AOPEP: variants seen among roughly 807,000 people sequenced by gnomAD.
The protein encoded by AOPEP is aminopeptidase O (putative), also known as aminopeptidase O.
A neutral mutation model predicts 98.1 loss-of-function variants in AOPEP; 77 were observed. That is an observed-to-expected ratio of 0.78 (90% CI 0.65 to 0.95). The LOEUF (loss-of-function observed/expected upper bound fraction) is 0.95, where lower values mean the gene tolerates loss of function less well. Ranked by LOEUF, AOPEP falls within the 40% of genes least tolerant of loss-of-function variation. The probability of loss-of-function intolerance (pLI) is 0.00; values close to 1 mark genes in which losing one functional copy is unlikely to be tolerated. For synonymous variants in AOPEP, 346 were observed against 365.3 expected, an observed-to-expected ratio of 0.95 and a Z score of 0.60; for missense variants, 1,024 against 1,024.7, an observed-to-expected ratio of 1.00 and a Z score of 0.01.
At chr9:94,864,147 A>G (rs756131302) in intron 5 of AOPEP, among the ~76,000 whole-genome samples, 3 of 152,192 alleles carry the variant, frequency 2.0e-5, no homozygotes, top group Admixed American at 6.5e-5. Flanking sequence ...TGCATCTGCT[A>G]TGTTCTGTGG....
At chr9:94,915,452 T>C (rs2052662883) in intron 5 of AOPEP, among the ~76,000 whole-genome samples, 1 of 152,210 alleles carries the variant, frequency 6.6e-6, no homozygotes, top group Admixed American at 6.5e-5. Flanking sequence ...TGCTTGTTCC[T>C]ACCCAGAGTT....
intron 3 of AOPEP, among the ~76,000 whole-genome samples, chr9:94,783,518 C>T (rs1234391758): frequency 6.6e-6 from 1 of 152,146 alleles, no homozygotes; most frequent in Admixed American, 6.5e-5. Flanking sequence ...GAGGGTGGCA[C>T]TCACTTAGAA....
chr9:95,049,160 T>G (rs1322129799), intron 13 of AOPEP: 1 of 152,232 alleles, frequency 6.6e-6, no homozygotes, highest in Non-Finnish European at 1.5e-5. Flanking sequence ...TTAGAAATTT[T>G]AAAGTTTGTT....
At chr9:94,810,131 C>T (rs1016600604) in intron 5 of AOPEP, 2 of 155,200 alleles carry the variant, frequency 1.3e-5, no homozygotes, top group Non-Finnish European at 2.9e-5. Flanking sequence ...GGTGAGGCTT[C>T]CTGCTTTTCT....
At chr9:94,883,582 A>G (rs964956346) in intron 5 of AOPEP, among the ~76,000 whole-genome samples, 2 of 152,218 alleles carry the variant, frequency 1.3e-5, no homozygotes, top group East Asian at 3.8e-4. Flanking sequence ...TTAAGTTACA[A>G]TTCAGACTGA....
chr9:94,882,043 G>A (rs370486760), intron 5 of AOPEP, among the ~76,000 whole-genome samples: 1 of 152,168 alleles, frequency 6.6e-6, no homozygotes, highest in Non-Finnish European at 1.5e-5. Context: ...CTTCCCCTTG[G>A]GCTAGGGAGT....
chr9:95,109,096 G>T, the AOPEP span, among the ~76,000 whole-genome samples: 7 of 152,072 alleles, frequency 4.6e-5, no homozygotes, highest in East Asian at 1.4e-3. Context: ...TTATTTTTTT[G>T]TAGAGACAGG....
At chr9:94,949,090 A>T (rs1250577214) in intron 7 of AOPEP, among the ~76,000 whole-genome samples, 3 of 152,186 alleles carry the variant, frequency 2.0e-5, no homozygotes, top group African/African-American at 7.2e-5. Flanking sequence ...TCTTTTGAGA[A>T]TGTGTCTAGA....
chr9:94,997,600 G>A (rs2061322831), intron 11 of AOPEP, among the ~76,000 whole-genome samples: 2 of 152,202 alleles, frequency 1.3e-5, no homozygotes, highest in South Asian at 2.1e-4. Context: ...TGGGCATTGA[G>A]ATTTGTAAAA....
Position 94,988,829 on chromosome 9 carries a change from G to C in AOPEP, c.1977+9402G>C, listed in dbSNP as rs546406706. On this transcript the variant is annotated intron_variant, in intron 11 of 16. Coordinates refer to ENST00000375315, the MANE Select transcript of AOPEP (RefSeq NM_001193329.3). ...CTGCTACTGAGTCAGCATCTCCATA[G>C]GTACGGCTGGAACTGGTCAACATAA... Among the ~76,000 whole-genome samples the C allele has an allele frequency of 2.0e-5, 3 of 152,134 alleles. No homozygotes were observed. The South Asian group carries it at 6.2e-4, about 32-fold the overall frequency.
At chr9:95,144,855 G>A in the AOPEP span, among the ~76,000 whole-genome samples, 8 of 152,284 alleles carry the variant, frequency 5.3e-5, no homozygotes, top group Middle Eastern at 6.8e-3. Context: ...CGAGCGCCGC[G>A]CCGCACGTTC....
At chr9:94,805,117 G>A (rs1271785545) in intron 5 of AOPEP, among the ~76,000 whole-genome samples, 1 of 152,168 alleles carries the variant, frequency 6.6e-6, no homozygotes, top group African/African-American at 2.4e-5. Flanking sequence ...GAAATGGCAA[G>A]ATTAAGTCAG....
At chr9:95,103,284 T>C in the AOPEP span, among the ~76,000 whole-genome samples, 1 of 152,080 alleles carries the variant, frequency 6.6e-6, no homozygotes, top group Non-Finnish European at 1.5e-5. Context: ...CCCAGCTCTC[T>C]AGTCACATGC....
chr9:94,845,556 T>C (rs776707671), intron 5 of AOPEP, among the ~76,000 whole-genome samples: 15 of 152,050 alleles, frequency 9.9e-5, no homozygotes, highest in Non-Finnish European at 1.8e-4. Flanking sequence ...GACATACAAG[T>C]TAAAAAGCTA....
At chr9:95,049,132 TCAG>T (rs1216600731) in intron 13 of AOPEP, 1 of 152,220 alleles carries the variant, frequency 6.6e-6, no homozygotes, top group Non-Finnish European at 1.5e-5. Flanking sequence ...TACTGTGAAA[TCAG>T]CAGAAAAGTG....
intron 5 of AOPEP, among the ~76,000 whole-genome samples, chr9:94,908,301 C>T (rs1489489725): frequency 2.0e-5 from 3 of 152,170 alleles, no homozygotes; most frequent in Non-Finnish European, 4.4e-5. Flanking sequence ...GCAGAGAGAG[C>T]TTTGGTCCAG....
intron 5 of AOPEP, among the ~76,000 whole-genome samples, chr9:94,858,094 A>C (rs537310027): frequency 3.9e-5 from 6 of 152,010 alleles, no homozygotes; most frequent in African/African-American, 1.4e-4. Flanking sequence ...AAAAAAAAAA[A>C]AAACAAAAAC....
At chr9:94,948,928 A>AT (rs1299261523) in intron 7 of AOPEP, among the ~76,000 whole-genome samples, 6 of 152,070 alleles carry the variant, frequency 3.9e-5, no homozygotes, top group Non-Finnish European at 8.8e-5. Context: ...CTTGGCAGTC[A>AT]TTTTACAGCC....
At chr9:94,910,697 A>G (rs1416873236) in intron 5 of AOPEP, among the ~76,000 whole-genome samples, 2 of 152,166 alleles carry the variant, frequency 1.3e-5, no homozygotes, top group African/African-American at 2.4e-5. Flanking sequence ...GAGGTGCAGC[A>G]GTGTTTCTAA....
Sources: gnomAD v4.1 joint callset for allele counts (sites outside exome capture counted in the v4.1 genomes callset) on GRCh38, gnomAD v4.1.1 for gene constraint, MANE v1.5 for transcripts, NCBI Gene and HGNC (gene_info 2026-07-23, HGNC 2026-07-21) for gene names.